LOC128462377: variants seen among roughly 807,000 people sequenced by gnomAD.
the LOC128462377 span, chr16:89,317,073 C>G: frequency 1.3e-6 from 2 of 1,561,310 alleles, no homozygotes; most frequent in Admixed American, 3.6e-5. Flanking sequence ...CATCATCAAC[C>G]GTCTGCTTCA....
the LOC128462377 span, among the ~76,000 whole-genome samples, chr16:89,330,126 T>G: frequency 6.6e-6 from 1 of 152,210 alleles, no homozygotes; most frequent in African/African-American, 2.4e-5. Context: ...ACATTAAACA[T>G]TTAAAGGATT....
chr16:89,393,287 C>T, the LOC128462377 span, among the ~76,000 whole-genome samples: 2 of 151,800 alleles, frequency 1.3e-5, no homozygotes, highest in African/African-American at 2.4e-5. Flanking sequence ...ACTTTAGTTT[C>T]CTCTTTTTTT....
At chr16:89,331,142 T>G in the LOC128462377 span, among the ~76,000 whole-genome samples, 2 of 152,062 alleles carry the variant, frequency 1.3e-5, no homozygotes, top group Non-Finnish European at 2.9e-5. Flanking sequence ...TGAGGAGAGA[T>G]GGGGTTTCGC....
At chr16:89,375,541 C>G in the LOC128462377 span, among the ~76,000 whole-genome samples, 2 of 152,034 alleles carry the variant, frequency 1.3e-5, no homozygotes, top group African/African-American at 4.8e-5. Flanking sequence ...CTCGCTGCAA[C>G]CTCTGCCTCC....
chr16:89,380,954 C>T, the LOC128462377 span, among the ~76,000 whole-genome samples: 2 of 152,186 alleles, frequency 1.3e-5, no homozygotes, highest in Non-Finnish European at 2.9e-5. Flanking sequence ...AGTGTGGGCC[C>T]ACTCTGCTGG....
At chr16:89,384,874 G>GTTTT in the LOC128462377 span, among the ~76,000 whole-genome samples, 117 of 72,744 alleles carry the variant, frequency 1.6e-3, 5 homozygotes, top group African/African-American at 6.2e-3. Context: ...ATGAGAAATA[G>GTTTT]TTTTCTTTTT....
At chr16:89,415,419 C>G in the LOC128462377 span, among the ~76,000 whole-genome samples, 4 of 151,106 alleles carry the variant, frequency 2.6e-5, no homozygotes, top group African/African-American at 9.8e-5. Context: ...CGCCTGCCAC[C>G]ATGCCCGGCT....
At chr16:89,323,194 G>A in the LOC128462377 span, 1 of 710,820 alleles carries the variant, frequency 1.4e-6, no homozygotes, top group East Asian at 6.6e-5. Flanking sequence ...ACCTCACAGG[G>A]AGAGAAGTCT....
the LOC128462377 span, among the ~76,000 whole-genome samples, chr16:89,407,168 A>G: frequency 6.6e-6 from 1 of 151,954 alleles, no homozygotes; most frequent in African/African-American, 2.4e-5. Flanking sequence ...CTGGGCAACA[A>G]GAGCGAAACC....
chr16:89,397,180 C>T, the LOC128462377 span, among the ~76,000 whole-genome samples: 5 of 152,202 alleles, frequency 3.3e-5, no homozygotes, highest in Admixed American at 6.5e-5. Context: ...CAGGCTCCTC[C>T]ACGTCCAACG....
At chr16:89,364,184 G>T in the LOC128462377 span, among the ~76,000 whole-genome samples, 2 of 152,198 alleles carry the variant, frequency 1.3e-5, no homozygotes, top group Non-Finnish European at 2.9e-5. Context: ...GGCCCACGAG[G>T]ACCCTGCCAC....
the LOC128462377 span, among the ~76,000 whole-genome samples, chr16:89,342,633 T>A: frequency 2.0e-5 from 3 of 152,136 alleles, no homozygotes; most frequent in African/African-American, 7.2e-5. Context: ...GGTGAATAAA[T>A]CCCCAAGTAT....
At chr16:89,390,789 C>G in the LOC128462377 span, among the ~76,000 whole-genome samples, 1 of 152,168 alleles carries the variant, frequency 6.6e-6, no homozygotes, top group African/African-American at 2.4e-5. Context: ...TTGTCTAACT[C>G]TGGGGAGGAG....
At chr16:89,351,299 C>A in the LOC128462377 span, among the ~76,000 whole-genome samples, 2 of 152,142 alleles carry the variant, frequency 1.3e-5, no homozygotes, top group African/African-American at 4.8e-5. Flanking sequence ...TCTGGAAAAG[C>A]AGAATACATT....
chr16:89,385,626 T>C, the LOC128462377 span, among the ~76,000 whole-genome samples: 1 of 152,200 alleles, frequency 6.6e-6, no homozygotes, highest in African/African-American at 2.4e-5. Flanking sequence ...ACACTCACGA[T>C]GATGCATTTC....
At chr16:89,339,404 A>G in the LOC128462377 span, among the ~76,000 whole-genome samples, 1 of 152,236 alleles carries the variant, frequency 6.6e-6, no homozygotes, top group Non-Finnish European at 1.5e-5. Context: ...GAACTGGGAA[A>G]GCTGGTCGGT....
At chr16:89,385,073 A>G in the LOC128462377 span, among the ~76,000 whole-genome samples, 12 of 151,286 alleles carry the variant, frequency 7.9e-5, no homozygotes, top group East Asian at 2.3e-3. Context: ...TTTAGTAGAG[A>G]CGATATTTCA....
At chr16:89,399,690 G>A in the LOC128462377 span, among the ~76,000 whole-genome samples, 6 of 152,154 alleles carry the variant, frequency 3.9e-5, 1 homozygote, top group East Asian at 1.9e-4. Flanking sequence ...CAGGGCGGTC[G>A]CGACTATAAC....
At chr16:89,335,184 C>A in the LOC128462377 span, among the ~76,000 whole-genome samples, 2 of 152,198 alleles carry the variant, frequency 1.3e-5, no homozygotes, top group Non-Finnish European at 2.9e-5. Context: ...AGGAAGTGAG[C>A]TCAGTGCGTG....
Sources: gnomAD v4.1 joint callset for allele counts (sites outside exome capture counted in the v4.1 genomes callset) on GRCh38, gnomAD v4.1.1 for gene constraint, MANE v1.5 for transcripts.